PPARD: variants seen among roughly 807,000 people sequenced by gnomAD.
The protein encoded by PPARD is peroxisome proliferator activated receptor delta, also known as peroxisome proliferator-activated receptor delta.
In PPARD, 6 loss-of-function variants were observed where a neutral mutation model predicts 39.5. That is an observed-to-expected ratio of 0.15 (90% CI 0.08 to 0.30). The LOEUF (loss-of-function observed/expected upper bound fraction) is 0.30. Among genes scored for constraint, PPARD ranks in the 10% least tolerant of loss-of-function variants. PPARD has a pLI of 1.00. For missense variants in PPARD, 397 were observed against 596.8 expected, an observed-to-expected ratio of 0.67 and a Z score of 3.49; for synonymous variants, 210 against 231.3, an observed-to-expected ratio of 0.91 and a Z score of 0.83.
At chr6:35,355,373 G>A (rs1761512969) in intron 2 of PPARD, among the ~76,000 whole-genome samples, 1 of 151,640 alleles carries the variant, frequency 6.6e-6, no homozygotes, top group African/African-American at 2.4e-5. Flanking sequence ...GCAACATGGC[G>A]AAACCCCGTC....
chr6:35,373,052 C>T (rs1433574965), intron 2 of PPARD, among the ~76,000 whole-genome samples: 2 of 152,152 alleles, frequency 1.3e-5, no homozygotes, highest in East Asian at 3.9e-4. Context: ...GTTGCTGTGT[C>T]CTCCAGAGGG....
At chr6:35,390,755 G>A (rs1312285420) in intron 2 of PPARD, among the ~76,000 whole-genome samples, 1 of 152,178 alleles carries the variant, frequency 6.6e-6, no homozygotes, top group Admixed American at 6.5e-5. Flanking sequence ...GGGCACAGTG[G>A]CTCACACCTG....
chr6:35,397,222 G>A (rs1764387432), intron 2 of PPARD, among the ~76,000 whole-genome samples: 1 of 148,436 alleles, frequency 6.7e-6, no homozygotes, highest in South Asian at 2.2e-4. Context: ...GAGTCAGGGA[G>A]GCCTCCCTCC....
intron 5 of PPARD, 53 bp from the exon 6 acceptor site, chr6:35,423,893 G>T: frequency 6.3e-7 from 1 of 1,577,520 alleles, no homozygotes. Flanking sequence ...GGGGATGTCA[G>T]AGGTGCTGGG....
Position 35,404,054 on chromosome 6 carries a change from C to G in PPARD, c.-101-6933C>G, listed in dbSNP as rs1034483706. On this transcript the variant is annotated intron_variant, in intron 2 of 7. Coordinates refer to ENST00000360694, the MANE Select transcript of PPARD (RefSeq NM_006238.5). The stretch of plus-strand genomic sequence containing the variant: ...GACAGAAACAGCTGGGGACTGGCAG[C>G]CAGACAGAGGATTCAGAGGTGATGG... Among the ~76,000 whole-genome samples the G allele has an allele frequency of 9.7e-4, 147 of 152,244 alleles. 1 individual carries two copies. Among genetic ancestry groups the G allele is most frequent in the African/African-American group, 3.4e-3 (142 of 41,514 alleles).
chr6:35,414,292 G>T (rs1401422079), intron 3 of PPARD, among the ~76,000 whole-genome samples: 1 of 152,128 alleles, frequency 6.6e-6, no homozygotes, highest in Admixed American at 6.6e-5. Context: ...AGTCTATACC[G>T]AAGGACTCAG....
chr6:35,349,686 TG>T (rs1307099114), intron 2 of PPARD, among the ~76,000 whole-genome samples: 3 of 150,364 alleles, frequency 2.0e-5, no homozygotes, highest in Non-Finnish European at 4.4e-5. Flanking sequence ...TGTTTGTTTT[TG>T]TTTTTTTTTA....
In PPARD at chr6:35,355,858, G is replaced by A. The variant is rs913906473; in HGVS notation, c.-102+8708G>A. Among the ~76,000 whole-genome samples, 10 of 151,462 alleles carry A rather than the reference G, an allele frequency of 6.6e-5. No individual in the cohort carries two copies. In the South Asian group the frequency reaches 1.0e-3, roughly 16 times the overall value. On this transcript the variant is annotated intron_variant, in intron 2 of 7. Transcript: ENST00000360694. ...GATCTCCTGACCTTGTGATCCGCCC[G>A]TCTCAGCCTCCCAAAGTGCTGGGAT...
chr6:35,392,498 A>T (rs1172231548), intron 2 of PPARD, among the ~76,000 whole-genome samples: 1 of 152,078 alleles, frequency 6.6e-6, no homozygotes, highest in African/African-American at 2.4e-5. Context: ...TGGGATCCCC[A>T]GATTGGCCCA....
At chr6:35,384,054 C>T (rs1376068600) in intron 2 of PPARD, among the ~76,000 whole-genome samples, 5 of 149,644 alleles carry the variant, frequency 3.3e-5, no homozygotes, top group East Asian at 4.1e-4. Flanking sequence ...GTCAGCCCCC[C>T]GCCAGGCCAG....
At position 35,405,856 on chromosome 6, in the gene PPARD, C is replaced by T. The variant is rs2299868; in HGVS notation, c.-101-5131C>T. Among the ~76,000 whole-genome samples the T allele has an allele frequency of 2.6e-5, 4 of 152,112 alleles. No individual in the cohort carries two copies. In the East Asian group the frequency reaches 7.7e-4, roughly 29 times the overall value. On this transcript the variant is annotated intron_variant, in intron 2 of 7. Coordinates refer to ENST00000360694, the MANE Select transcript of PPARD (RefSeq NM_006238.5). Reference sequence around the variant, plus strand: ...TGTTGGCCAGGCTGGTCTCGAACACCTGACCTCAAGTGATCCACCCACCTT... The same window carrying T: ...TGTTGGCCAGGCTGGTCTCGAACACTTGACCTCAAGTGATCCACCCACCTT...
intron 2 of PPARD, among the ~76,000 whole-genome samples, chr6:35,410,182 C>G (rs981235883): frequency 6.6e-6 from 1 of 152,220 alleles, no homozygotes; most frequent in Admixed American, 6.5e-5. Flanking sequence ...CATCTTAAAG[C>G]AGATCTTTTC....
intron 2 of PPARD, among the ~76,000 whole-genome samples, chr6:35,360,722 C>T (rs1315019970): frequency 6.6e-6 from 1 of 152,262 alleles, no homozygotes; most frequent in Non-Finnish European, 1.5e-5. Context: ...GCTAGCAGGA[C>T]TCACTATACC....
At chr6:35,367,374 G>C (rs934946367) in intron 2 of PPARD, among the ~76,000 whole-genome samples, 4 of 152,144 alleles carry the variant, frequency 2.6e-5, no homozygotes, top group African/African-American at 9.7e-5. Context: ...TTGAACATTG[G>C]GTTTGCGCAG....
intron 2 of PPARD, among the ~76,000 whole-genome samples, chr6:35,395,424 G>A (rs978129301): frequency 1.3e-5 from 2 of 152,208 alleles, no homozygotes; most frequent in African/African-American, 4.8e-5. Context: ...TGGTCTGCCT[G>A]GGAGTCATAG....
chr6:35,374,508 A>G (rs1169324391), intron 2 of PPARD, among the ~76,000 whole-genome samples: 3 of 151,862 alleles, frequency 2.0e-5, no homozygotes, highest in Admixed American at 1.3e-4. Flanking sequence ...AATATAAAAA[A>G]TTAGCCGGGC....
intron 2 of PPARD, among the ~76,000 whole-genome samples, chr6:35,405,161 G>A (rs774153913): frequency 1.1e-4 from 16 of 152,124 alleles, no homozygotes; most frequent in South Asian, 2.1e-4. Context: ...TAGTTCAAGC[G>A]ATTCTCTTGC....
intron 2 of PPARD, chr6:35,397,411 C>A (rs372634152): frequency 4.8e-6 from 2 of 414,730 alleles, no homozygotes; most frequent in African/African-American, 4.3e-5. Flanking sequence ...ACTAGCCAGA[C>A]GCTGCTAGGC....
At position 35,427,585 on chromosome 6, in the gene PPARD, T is replaced by A. The variant is rs1290836656; in HGVS notation, c.*1506T>A. The A allele has an allele frequency of 6.6e-6, 1 of 152,438 alleles. No homozygotes were observed. The highest frequency in any genetic ancestry group is 2.4e-5 in the African/African-American group (1 of 41,438). 9.4% of individuals were successfully genotyped at this position (152,438 alleles called of 1,614,324 possible). ...CCTTGTGGGACCAGTCCCACACCGC[T>A]GGTCCCTGCCCTCCCCTGCTCCCAG... On this transcript the variant is annotated 3_prime_UTR_variant, in exon 8 of 8. Coordinates refer to ENST00000360694, the MANE Select transcript of PPARD (RefSeq NM_006238.5).
Sources: gnomAD v4.1 joint callset for allele counts (sites outside exome capture counted in the v4.1 genomes callset) on GRCh38, gnomAD v4.1.1 for gene constraint, MANE v1.5 for transcripts, NCBI Gene and HGNC (gene_info 2026-07-23, HGNC 2026-07-21) for gene names.